GABRB1: variants seen among roughly 807,000 people sequenced by gnomAD.
GABRB1 encodes the protein gamma-aminobutyric acid type A receptor subunit beta1, also known as gamma-aminobutyric acid receptor subunit beta-1.
GABRB1 carries 17 observed loss-of-function variants against 51.6 expected under a neutral mutation model. The ratio of observed to expected loss-of-function variants is 0.33; its 90% confidence interval spans 0.23 to 0.49. The LOEUF (loss-of-function observed/expected upper bound fraction) is 0.49, where lower values mean the gene tolerates loss of function less well. Ranked by LOEUF, GABRB1 falls within the 20% of genes least tolerant of loss-of-function variation. The pLI is 0.99. For missense variants in GABRB1, 410 were observed against 600.6 expected (o/e 0.68, Z 3.32); for synonymous variants, 247 against 218.9 (o/e 1.13, Z -1.14).
chr4:47,060,620 A>G lies in GABRB1; in HGVS notation c.240+28136A>G, dbSNP rs532633810. ...ACTTTATACTTAGTTTAAAAATCCA[A>G]CAGGGTCTCTCCTGCAGTCAGTGGC... On this transcript the variant is annotated intron_variant, in intron 3 of 8. Coordinates refer to ENST00000295454, the MANE Select transcript of GABRB1 (RefSeq NM_000812.4). 3.3e-5 allele frequency among the ~76,000 whole-genome samples: 5 copies of G among 152,272 alleles called. No individual in the cohort carries two copies. In the South Asian group the frequency reaches 1.0e-3, roughly 32 times the overall value.
intron 3 of GABRB1, among the ~76,000 whole-genome samples, chr4:47,133,563 C>T (rs532381307): frequency 6.6e-6 from 1 of 152,292 alleles, no homozygotes; most frequent in African/African-American, 2.4e-5. Flanking sequence ...GATCTTGTCT[C>T]TTTAACATAG....
At chr4:47,205,658 G>C (rs78686495) in intron 4 of GABRB1, among the ~76,000 whole-genome samples, 1 of 152,058 alleles carries the variant, frequency 6.6e-6, no homozygotes, top group Non-Finnish European at 1.5e-5. Context: ...GCTATAATCT[G>C]TTACAAAGGG....
chr4:47,365,998 T>G (rs991746034), intron 5 of GABRB1, among the ~76,000 whole-genome samples: 1 of 152,192 alleles, frequency 6.6e-6, no homozygotes. Context: ...TCACATTGAG[T>G]GTGCCATCTG....
chr4:47,364,395 T>TGA (rs1726907367), intron 5 of GABRB1, among the ~76,000 whole-genome samples: 1 of 151,496 alleles, frequency 6.6e-6, no homozygotes. Flanking sequence ...AAGTAGAAGT[T>TGA]GGAGTAAAAG....
At chr4:47,344,730 G>A (rs374122615) in intron 5 of GABRB1, among the ~76,000 whole-genome samples, 1 of 150,776 alleles carries the variant, frequency 6.6e-6, no homozygotes. Flanking sequence ...TTTGTTTTTT[G>A]TTTTTTGTTT....
At chr4:47,039,575 T>C (rs1203148374) in intron 3 of GABRB1, among the ~76,000 whole-genome samples, 1 of 152,134 alleles carries the variant, frequency 6.6e-6, no homozygotes, top group Non-Finnish European at 1.5e-5. Context: ...GTAGGTGCTA[T>C]GATAGAGACA....
chr4:47,317,126 G>T (rs973857046), intron 4 of GABRB1, among the ~76,000 whole-genome samples: 7 of 151,950 alleles, frequency 4.6e-5, no homozygotes, highest in Admixed American at 4.6e-4. Flanking sequence ...CTTTGTTGTT[G>T]GGGACTGTCC....
chr4:47,038,665 A>G (rs1725701234), intron 3 of GABRB1, among the ~76,000 whole-genome samples: 1 of 152,186 alleles, frequency 6.6e-6, no homozygotes, highest in Admixed American at 6.5e-5. Flanking sequence ...CTTAATATCC[A>G]TTCTTTAAGT....
At chr4:47,344,798 C>T (rs1209425545) in intron 5 of GABRB1, among the ~76,000 whole-genome samples, 3 of 152,166 alleles carry the variant, frequency 2.0e-5, no homozygotes, top group East Asian at 1.9e-4. Context: ...TCTCAGCTCA[C>T]TCTAACCCCT....
intron 4 of GABRB1, among the ~76,000 whole-genome samples, chr4:47,216,869 A>G (rs961759877): frequency 6.6e-6 from 1 of 151,932 alleles, no homozygotes; most frequent in African/African-American, 2.4e-5. Context: ...TTGCACTCTC[A>G]CACATGTGTT....
At chr4:47,150,616 C>A (rs1054402146) in intron 3 of GABRB1, among the ~76,000 whole-genome samples, 7 of 144,522 alleles carry the variant, frequency 4.8e-5, no homozygotes, top group Non-Finnish European at 1.1e-4. Flanking sequence ...TATATACTAT[C>A]TTTTCAATAC....
intron 8 of GABRB1, among the ~76,000 whole-genome samples, chr4:47,419,831 G>A (rs1227295005): frequency 1.3e-5 from 2 of 152,166 alleles, no homozygotes; most frequent in Non-Finnish European, 2.9e-5. Flanking sequence ...GTCTAATAAG[G>A]AGTGGGGTGA....
At chr4:47,123,060 G>T (rs1715851183) in intron 3 of GABRB1, among the ~76,000 whole-genome samples, 1 of 151,952 alleles carries the variant, frequency 6.6e-6, no homozygotes, top group African/African-American at 2.4e-5. Context: ...CAATGAAAGC[G>T]AGTAGATGTA....
intron 3 of GABRB1, among the ~76,000 whole-genome samples, chr4:47,121,415 T>TA (rs1210902667): frequency 6.6e-6 from 1 of 152,208 alleles, no homozygotes; most frequent in Non-Finnish European, 1.5e-5. Flanking sequence ...GATATGAAGT[T>TA]AAAAAACCAA....
At chr4:46,994,679 C>A (rs1297751233) in intron 1 of GABRB1, among the ~76,000 whole-genome samples, 6 of 152,120 alleles carry the variant, frequency 3.9e-5, no homozygotes, top group Non-Finnish European at 5.9e-5. Flanking sequence ...CCCAATAGAT[C>A]TTTGGAAACA....
intron 4 of GABRB1, among the ~76,000 whole-genome samples, chr4:47,204,864 T>C (rs898524995): frequency 4.6e-5 from 7 of 152,202 alleles, no homozygotes; most frequent in African/African-American, 1.7e-4. Context: ...GGTTTATCTT[T>C]ATCAGCAGTG....
chr4:47,074,880 T>C (rs1577883656), intron 3 of GABRB1, among the ~76,000 whole-genome samples: 3 of 152,228 alleles, frequency 2.0e-5, no homozygotes, highest in Non-Finnish European at 4.4e-5. Flanking sequence ...GCAGATGGGG[T>C]ACTAGGCAAA....
chr4:47,052,474 A>C (rs2109510068), intron 3 of GABRB1, among the ~76,000 whole-genome samples: 1 of 152,190 alleles, frequency 6.6e-6, no homozygotes, highest in East Asian at 1.9e-4. Context: ...TACATACCAC[A>C]TGCGCAATTA....
At chr4:47,269,975 C>CACACACACACACAG (rs1438432474) in intron 4 of GABRB1, among the ~76,000 whole-genome samples, 1 of 151,654 alleles carries the variant, frequency 6.6e-6, no homozygotes, top group African/African-American at 2.4e-5. Context: ...CACACACACA[C>CACACACACACACAG]AGGCTGAGTC....
Sources: allele counts gnomAD v4.1 joint callset (sites outside exome capture counted in the v4.1 genomes callset), GRCh38; gene constraint gnomAD v4.1.1; transcripts MANE v1.5; gene names NCBI Gene and HGNC (gene_info 2026-07-23, HGNC 2026-07-21).